The following MCUB variants were observed in gnomAD, a reference collection of about 807,000 sequenced individuals.
MCUB encodes the protein mitochondrial calcium uniporter dominant negative subunit beta, also known as calcium uniporter regulatory subunit MCUb, mitochondrial.
A neutral mutation model predicts 41.4 loss-of-function variants in MCUB; 46 were observed. The observed-to-expected ratio is 1.11, with a 90% CI of 0.88 to 1.42. The LOEUF is 1.42. Ranked by LOEUF, MCUB falls within the 40% of genes most tolerant of loss-of-function variation. The probability of loss-of-function intolerance (pLI) is 0.00; values close to 1 mark genes in which losing one functional copy is unlikely to be tolerated. For synonymous variants in MCUB, 148 were observed against 148.2 expected, an observed-to-expected ratio of 1.00 and a Z score of 0.01; for missense variants, 403 against 404.9, an observed-to-expected ratio of 1.00 and a Z score of 0.04.
intron 1 of MCUB, among the ~76,000 whole-genome samples, chr4:109,596,759 A>G (rs1727565486): frequency 6.9e-6 from 1 of 144,192 alleles, no homozygotes; most frequent in Non-Finnish European, 1.5e-5. Flanking sequence ...TTTATTGATC[A>G]TTCTTGGGTG....
At chr4:109,657,382 G>T (rs1649901868) in intron 1 of MCUB, among the ~76,000 whole-genome samples, 1 of 151,900 alleles carries the variant, frequency 6.6e-6, no homozygotes, top group Non-Finnish European at 1.5e-5. Context: ...GAACATAATG[G>T]ACCTTCATTT....
chr4:109,638,432 A>G (rs1324181997), intron 1 of MCUB, among the ~76,000 whole-genome samples: 4 of 150,096 alleles, frequency 2.7e-5, no homozygotes, highest in African/African-American at 4.9e-5. Flanking sequence ...AAAAAAAACC[A>G]TACATTAAGA....
At chr4:109,601,308 C>T (rs1466964017) in intron 1 of MCUB, among the ~76,000 whole-genome samples, 2 of 151,936 alleles carry the variant, frequency 1.3e-5, no homozygotes, top group African/African-American at 4.8e-5. Flanking sequence ...CTATAGTCAC[C>T]CTGTTGTGCT....
intron 1 of MCUB, among the ~76,000 whole-genome samples, chr4:109,634,731 G>A (rs933559836): frequency 6.6e-6 from 1 of 152,116 alleles, no homozygotes; most frequent in Non-Finnish European, 1.5e-5. Context: ...TATTCATTGT[G>A]TGGTAGAAGT....
Position 109,667,645 on chromosome 4 carries a change from C to T in MCUB, c.451+3251C>T, listed in dbSNP as rs535873112. Among the ~76,000 whole-genome samples the T allele has an allele frequency of 7.3e-5, 11 of 149,798 alleles. No individual in the cohort carries two copies. In the South Asian group the frequency reaches 2.3e-3, roughly 32 times the overall value. ...TATATTATGTAGAGTATATTATATA[C>T]TCTACATAATAAATATTCTACTATA... On this transcript the variant is annotated intron_variant, in intron 4 of 7. Coordinates refer to ENST00000394650, the MANE Select transcript of MCUB (RefSeq NM_017918.5).
intron 1 of MCUB, among the ~76,000 whole-genome samples, chr4:109,621,832 TC>T (rs1340984462): frequency 6.6e-6 from 1 of 152,188 alleles, no homozygotes; most frequent in Non-Finnish European, 1.5e-5. Flanking sequence ...CCTCTGTTGT[TC>T]ATCCATAGAA....
intron 1 of MCUB, among the ~76,000 whole-genome samples, chr4:109,651,146 A>T (rs1422161719): frequency 1.3e-5 from 2 of 152,186 alleles, no homozygotes; most frequent in African/African-American, 4.8e-5. Context: ...ATTAAACTTT[A>T]AATTTATTCA....
At chr4:109,600,351 C>T (rs1179426504) in intron 1 of MCUB, among the ~76,000 whole-genome samples, 1 of 152,176 alleles carries the variant, frequency 6.6e-6, no homozygotes, top group African/African-American at 2.4e-5. Flanking sequence ...AGTAGGTAAC[C>T]TAGAGTCTAT....
intron 1 of MCUB, among the ~76,000 whole-genome samples, chr4:109,655,394 C>G (rs990214331): frequency 6.6e-6 from 1 of 152,156 alleles, no homozygotes; most frequent in Admixed American, 6.5e-5. Context: ...AACTCAGTCT[C>G]CAGCCTCTGT....
chr4:109,577,064 C>T (rs1727047325), intron 1 of MCUB, among the ~76,000 whole-genome samples: 1 of 152,176 alleles, frequency 6.6e-6, no homozygotes, highest in African/African-American at 2.4e-5. Flanking sequence ...GTGGGCCAGG[C>T]TGGTCTTGAA....
At chr4:109,576,553 A>G (rs947345218) in intron 1 of MCUB, among the ~76,000 whole-genome samples, 5 of 151,662 alleles carry the variant, frequency 3.3e-5, no homozygotes, top group East Asian at 1.9e-4. Flanking sequence ...AAATTGCCAA[A>G]GAAAAACAAA....
At chr4:109,648,257 GA>G (rs1728880631) in intron 1 of MCUB, among the ~76,000 whole-genome samples, 2 of 152,104 alleles carry the variant, frequency 1.3e-5, no homozygotes, top group African/African-American at 4.8e-5. Context: ...ATTTATACAG[GA>G]ATATAATTTC....
At chr4:109,564,358 T>C (rs1579039562) in intron 1 of MCUB, among the ~76,000 whole-genome samples, 1 of 152,220 alleles carries the variant, frequency 6.6e-6, no homozygotes, top group East Asian at 1.9e-4. Flanking sequence ...CAAGATGGTC[T>C]CGATCTCCTG....
chr4:109,668,052 C>G (rs1345656725), intron 4 of MCUB, among the ~76,000 whole-genome samples: 1 of 151,780 alleles, frequency 6.6e-6, no homozygotes, highest in Non-Finnish European at 1.5e-5. Flanking sequence ...AGTTTTATAG[C>G]CTTCATTGTG....
At chr4:109,656,167 C>A (rs1012203567) in intron 1 of MCUB, among the ~76,000 whole-genome samples, 1 of 151,950 alleles carries the variant, frequency 6.6e-6, no homozygotes, top group African/African-American at 2.4e-5. Flanking sequence ...GGCATTATCA[C>A]CAATGGCATT....
intron 1 of MCUB, among the ~76,000 whole-genome samples, chr4:109,580,030 G>GC (rs1727132454): frequency 2.0e-5 from 3 of 150,692 alleles, no homozygotes; most frequent in Middle Eastern, 6.8e-3. Context: ...CCCTCCCCTT[G>GC]CCCCCCACCC....
intron 1 of MCUB, among the ~76,000 whole-genome samples, chr4:109,589,264 C>T (rs1385491392): frequency 2.0e-5 from 3 of 152,182 alleles, no homozygotes; most frequent in Admixed American, 2.0e-4. Flanking sequence ...TGGATGTTCC[C>T]AGAGAACCCT....
chr4:109,573,792 A>C (rs1414177437), intron 1 of MCUB, among the ~76,000 whole-genome samples: 4 of 152,154 alleles, frequency 2.6e-5, no homozygotes, highest in Admixed American at 1.3e-4. Flanking sequence ...ACACTAACAA[A>C]GCTGGACAGG....
intron 1 of MCUB, among the ~76,000 whole-genome samples, chr4:109,583,468 A>G (rs1387606052): frequency 1.3e-5 from 2 of 152,134 alleles, no homozygotes; most frequent in East Asian, 3.9e-4. Context: ...TTGGGCTGAG[A>G]TGATGGGGTT....
Sources: allele counts gnomAD v4.1 joint callset (sites outside exome capture counted in the v4.1 genomes callset), GRCh38; gene constraint gnomAD v4.1.1; transcripts MANE v1.5; gene names NCBI Gene and HGNC (gene_info 2026-07-23, HGNC 2026-07-21).